The following KIAA1217 variants were observed in gnomAD, a reference collection of about 807,000 sequenced individuals.
KIAA1217 encodes KIAA1217.
Under a neutral mutation model 163.9 loss-of-function variants are expected in KIAA1217, and 88 were observed. The ratio of observed to expected loss-of-function variants is 0.54; its 90% CI spans 0.45 to 0.64. The LOEUF is 0.64. Among genes scored for constraint, KIAA1217 ranks in the 30% least tolerant of loss-of-function variants. KIAA1217 has a pLI of 0.00. For missense variants in KIAA1217, 2,372 were observed against 2,475.0 expected (o/e 0.96, Z 0.88); for synonymous variants, 903 against 923.1 (o/e 0.98, Z 0.39).
chr10:24,108,080 C>T (rs1331627960), intron 2 of KIAA1217, among the ~76,000 whole-genome samples: 2 of 152,140 alleles, frequency 1.3e-5, no homozygotes, highest in African/African-American at 4.8e-5. Context: ...GAAGAAGTAG[C>T]CAAGAAGGTT....
chr10:24,213,181 T>C (rs544204923), intron 1 of KIAA1217, among the ~76,000 whole-genome samples: 1 of 152,304 alleles, frequency 6.6e-6, no homozygotes, highest in East Asian at 1.9e-4. Context: ...TAGCGCATAG[T>C]GTGCTTTGCG....
At chr10:23,944,995 G>C (rs969631336) in intron 1 of KIAA1217, among the ~76,000 whole-genome samples, 10 of 150,624 alleles carry the variant, frequency 6.6e-5, no homozygotes, top group Admixed American at 4.0e-4. Flanking sequence ...GGAGGCGGAG[G>C]TTGCAGTGAG....
At chr10:23,858,061 C>T (rs993331082) in intron 1 of KIAA1217, among the ~76,000 whole-genome samples, 4 of 151,764 alleles carry the variant, frequency 2.6e-5, no homozygotes, top group Non-Finnish European at 2.9e-5. Flanking sequence ...CAAAGTTGTG[C>T]TACTTGGTAA....
rs150795024 is a variant in KIAA1217 at position 24,531,858 on chromosome 10, G to T, written c.3111G>T (p.Leu1037Phe). The change falls in exon 15 of 21, where the codon TTG (leucine) becomes TTT (phenylalanine). Residue 1037 changes from leucine (L) to phenylalanine (F), a missense_variant. This residue lies in a region of KIAA1217 where 1,431 missense variants were observed against 1,470.3 expected (regional missense o/e 0.97). Coordinates refer to ENST00000376454, the MANE Select transcript of KIAA1217 (RefSeq NM_019590.5). ...SEDSPNSEQD[L>F]EKLGGKSPPP... is the part of the protein sequence containing the mutation. ...ATTCTCCAAATTCGGAACAGGACTT[G>T]GAAAAGCTGGGGGGAAAGTCGCCCC... 1 of 1,605,220 alleles carries T rather than the reference G, an allele frequency of 6.2e-7. No homozygotes were observed. The highest frequency in any genetic ancestry group is 8.5e-7 in the Non-Finnish European group (1 of 1,174,916).
intron 1 of KIAA1217, among the ~76,000 whole-genome samples, chr10:23,940,036 G>A (rs891793579): frequency 4.0e-5 from 6 of 151,754 alleles, no homozygotes; most frequent in African/African-American, 1.2e-4. Flanking sequence ...GTATCACTAA[G>A]TATAAGAGGT....
chr10:24,379,904 T>C (rs887519848), intron 2 of KIAA1217, among the ~76,000 whole-genome samples: 2 of 151,988 alleles, frequency 1.3e-5, no homozygotes, highest in Non-Finnish European at 1.5e-5. Flanking sequence ...ATACAAAAAT[T>C]AGCTGGGCAT....
rs1302431868 is a variant in KIAA1217, at chr10:23,934,577, A to ATGTG, written c.-320-72647_-320-72646insGTGT. ...TTAAAGTATATATATATATATATAT[A>ATGTG]TATATATATATATGTATATATATAT... On this transcript the variant is annotated intron_variant, in intron 1 of 18. Coordinates refer to the KIAA1217 transcript ENST00000376462. Among the ~76,000 whole-genome samples, 140 of 57,902 alleles carry ATGTG rather than the reference A, an allele frequency of 2.4e-3. 5 individuals carry two copies. Among genetic ancestry groups the ATGTG allele is most frequent in the African/African-American group, 0.023 (128 of 5,574 alleles). 38.0% of individuals were successfully genotyped at this position (57,902 alleles called of 152,430 possible). A position where few individuals can be genotyped will look rare whatever the true frequency, so the allele number is the denominator to read the frequency against.
intron 2 of KIAA1217, among the ~76,000 whole-genome samples, chr10:24,115,378 T>G (rs1324150278): frequency 6.6e-6 from 1 of 152,184 alleles, no homozygotes; most frequent in East Asian, 1.9e-4. Context: ...CTATGGAGTT[T>G]AGGAAAATTA....
At chr10:24,105,873 C>T (rs1320868550) in intron 2 of KIAA1217, among the ~76,000 whole-genome samples, 1 of 152,158 alleles carries the variant, frequency 6.6e-6, no homozygotes, top group African/African-American at 2.4e-5. Context: ...TGAGTGGAGC[C>T]TTGGGGGAGG....
intron 1 of KIAA1217, among the ~76,000 whole-genome samples, chr10:23,843,600 C>T (rs79625889): frequency 0.023 from 3,543 of 152,242 alleles, 144 homozygotes; most frequent in African/African-American, 0.08. Context: ...ATTCTGCTCT[C>T]TACTTGGAAT....
At chr10:23,993,573 T>TTTTTTTTTTTTTA (rs1185080887) in intron 1 of KIAA1217, among the ~76,000 whole-genome samples, 2 of 142,302 alleles carry the variant, frequency 1.4e-5, no homozygotes, top group Non-Finnish European at 1.5e-5. Flanking sequence ...TTTTTTTTTT[T>TTTTTTTTTTTTTA]GAGACAGAGT....
At chr10:23,731,590 G>A (rs1056484880) in intron 1 of KIAA1217, among the ~76,000 whole-genome samples, 2 of 152,086 alleles carry the variant, frequency 1.3e-5, no homozygotes, top group Non-Finnish European at 2.9e-5. Context: ...GCCTAAGCCC[G>A]GTTAGGGAGG....
chr10:23,934,625 A>ATTTTTTT lies in KIAA1217; in HGVS notation c.-320-72596_-320-72590dup, dbSNP rs1183009109. On this transcript the variant is annotated intron_variant, in intron 1 of 18. Coordinates refer to the KIAA1217 transcript ENST00000376462. ...TATATATGTATATATATATATATAT[A>ATTTTTTT]TTTTTTTTTTGAGACGGAGTCTCGC... 3.5e-3 allele frequency among the ~76,000 whole-genome samples: 239 copies of ATTTTTTT among 68,486 alleles called. 14 individuals carry two copies. Among genetic ancestry groups the ATTTTTTT allele is most frequent in the African/African-American group, 0.017 (187 of 10,792 alleles). The allele number at this position is 68,486 out of a possible 152,430, so 44.9% of individuals were successfully genotyped here. A position where few individuals can be genotyped will look rare whatever the true frequency, so the allele number is the denominator to read the frequency against.
At chr10:23,853,633 C>A (rs982726353) in intron 1 of KIAA1217, among the ~76,000 whole-genome samples, 1 of 152,112 alleles carries the variant, frequency 6.6e-6, no homozygotes, top group African/African-American at 2.4e-5. Flanking sequence ...GCGTGTGAAT[C>A]CATCTGGTCC....
chr10:24,098,454 C>T (rs1473154990), intron 2 of KIAA1217, among the ~76,000 whole-genome samples: 2 of 152,128 alleles, frequency 1.3e-5, no homozygotes, highest in Non-Finnish European at 2.9e-5. Flanking sequence ...CTCACTGAGG[C>T]TCTAGATGGA....
intron 2 of KIAA1217, among the ~76,000 whole-genome samples, chr10:24,151,012 G>A (rs1425797934): frequency 1.3e-5 from 2 of 152,080 alleles, no homozygotes; most frequent in East Asian, 1.9e-4. Flanking sequence ...AGACTTAGGG[G>A]GCTAGAGAAG....
intron 2 of KIAA1217, among the ~76,000 whole-genome samples, chr10:24,338,627 T>G (rs1209703465): frequency 6.6e-6 from 1 of 152,268 alleles, no homozygotes; most frequent in East Asian, 1.9e-4. Context: ...GAAATGTCTG[T>G]GTCTGACCTA....
chr10:24,322,018 G>A (rs181374792), intron 2 of KIAA1217, among the ~76,000 whole-genome samples: 9 of 152,050 alleles, frequency 5.9e-5, no homozygotes, highest in Admixed American at 2.0e-4. Context: ...GCCCGATCTC[G>A]GCTCACTGCA....
intron 2 of KIAA1217, among the ~76,000 whole-genome samples, chr10:24,329,916 G>A (rs193034231): frequency 1.1e-3 from 175 of 152,230 alleles, no homozygotes; most frequent in African/African-American, 4.0e-3. Context: ...GAAAATGGAG[G>A]CAAGAAAATC....
Sources: allele counts gnomAD v4.1 joint callset (sites outside exome capture counted in the v4.1 genomes callset), GRCh38; gene constraint gnomAD v4.1.1; regional missense constraint gnomAD v4.1.1; transcripts MANE v1.5; gene names NCBI Gene and HGNC (gene_info 2026-07-23, HGNC 2026-07-21).